SLC35G2: variants seen among roughly 807,000 people sequenced by gnomAD.
SLC35G2 encodes the protein solute carrier family 35 member G2.
In SLC35G2, 20 loss-of-function variants were observed where a neutral mutation model predicts 27.2. The ratio of observed to expected loss-of-function variants is 0.74; its 90% confidence interval spans 0.52 to 1.07. The LOEUF (loss-of-function observed/expected upper bound fraction) is 1.07. Among genes scored for constraint, SLC35G2 ranks in the 50% least tolerant of loss-of-function variants. The pLI is 0.00. For missense variants in SLC35G2, 416 were observed against 493.3 expected, an observed-to-expected ratio of 0.84 and a Z score of 1.48; for synonymous variants, 148 against 165.3, an observed-to-expected ratio of 0.90 and a Z score of 0.80.
intron 1 of SLC35G2, among the ~76,000 whole-genome samples, chr3:136,829,283 G>A (rs1237837217): frequency 6.6e-6 from 1 of 151,458 alleles, no homozygotes; most frequent in African/African-American, 2.4e-5. Flanking sequence ...GTGCAGTGGC[G>A]CCATCTTGGC....
chr3:136,849,681 C>T lies in SLC35G2; in HGVS notation c.-18-4762C>T, dbSNP rs113693158. On this transcript the variant is annotated intron_variant, in intron 1 of 1. Transcript: ENST00000446465. ...TAATTTTCTGTATTTTTAGTAGAGA[C>T]GAGGTTTTACCATGTTGGCCAGGCT... Among the ~76,000 whole-genome samples, 1,195 of 151,558 alleles carry T rather than the reference C, an allele frequency of 7.9e-3. 11 individuals are homozygous for T. Among genetic ancestry groups the T allele is most frequent in the Middle Eastern group, 0.02 (6 of 294 alleles).
chr3:136,829,270 G>A (rs769823875), intron 1 of SLC35G2, among the ~76,000 whole-genome samples: 22 of 151,944 alleles, frequency 1.4e-4, no homozygotes, highest in Admixed American at 1.2e-3. Context: ...GCACCAGGCT[G>A]GAGTGCAGTG....
intron 1 of SLC35G2, among the ~76,000 whole-genome samples, chr3:136,846,837 G>C (rs1240199318): frequency 6.6e-6 from 1 of 152,184 alleles, no homozygotes; most frequent in East Asian, 1.9e-4. Flanking sequence ...GGCCAAGCCA[G>C]AACTCAAAAT....
intron 1 of SLC35G2, among the ~76,000 whole-genome samples, chr3:136,830,093 A>G (rs1936686097): frequency 6.9e-6 from 1 of 145,398 alleles, no homozygotes; most frequent in Non-Finnish European, 1.5e-5. Context: ...TTTTTTAGAC[A>G]TACATTATTT....
chr3:136,836,675 T>A (rs563189009), intron 1 of SLC35G2, among the ~76,000 whole-genome samples: 2 of 152,180 alleles, frequency 1.3e-5, no homozygotes, highest in African/African-American at 4.8e-5. Flanking sequence ...TCAAGCCAAA[T>A]GCTCTACCTG....
At chr3:136,824,694 A>C (rs1374914251) in intron 1 of SLC35G2, among the ~76,000 whole-genome samples, 1 of 152,214 alleles carries the variant, frequency 6.6e-6, no homozygotes, top group East Asian at 1.9e-4. Context: ...TATCATTTGC[A>C]AACAAGGATA....
chr3:136,842,786 C>G (rs985239356), intron 1 of SLC35G2: 2 of 152,194 alleles, frequency 1.3e-5, no homozygotes, highest in Non-Finnish European at 2.9e-5. Context: ...TGAGAGCTCT[C>G]TTGCCATTAT....
At chr3:136,851,788 A>G (rs1367438322) in intron 1 of SLC35G2, among the ~76,000 whole-genome samples, 1 of 152,090 alleles carries the variant, frequency 6.6e-6, no homozygotes, top group Non-Finnish European at 1.5e-5. Context: ...TTTTGTTTTG[A>G]GTCTTTTAAA....
intron 1 of SLC35G2, among the ~76,000 whole-genome samples, chr3:136,843,704 G>A (rs1230450077): frequency 3.3e-5 from 5 of 151,938 alleles, no homozygotes; most frequent in Non-Finnish European, 7.4e-5. Context: ...AGGCCAAGGC[G>A]GGAGGATCAC....
intron 1 of SLC35G2, chr3:136,838,550 C>T (rs142058020): frequency 7.2e-5 from 11 of 152,108 alleles, no homozygotes; most frequent in Admixed American, 3.3e-4. Context: ...GAAGAATCAA[C>T]GGTGTCAATA....
intron 1 of SLC35G2, among the ~76,000 whole-genome samples, chr3:136,827,018 G>A (rs564167859): frequency 4.1e-4 from 61 of 148,592 alleles, no homozygotes; most frequent in East Asian, 2.4e-3. Context: ...GGTGTTTCTC[G>A]GAGAGGGGGA....
intron 1 of SLC35G2, chr3:136,838,288 C>A: frequency 7.4e-6 from 1 of 134,848 alleles, no homozygotes; most frequent in South Asian, 2.2e-4. Context: ...TATATAAATG[C>A]ACACACAACG....
intron 1 of SLC35G2, among the ~76,000 whole-genome samples, chr3:136,851,618 T>G (rs1215353476): frequency 1.3e-5 from 2 of 151,054 alleles, no homozygotes; most frequent in Non-Finnish European, 3.0e-5. Context: ...GACACTGGAC[T>G]GACTGCTCAG....
intron 1 of SLC35G2, chr3:136,819,985 A>C (rs914310704): frequency 2.0e-5 from 3 of 152,192 alleles, no homozygotes; most frequent in Non-Finnish European, 4.4e-5. Flanking sequence ...CGCCACGTGC[A>C]CCCATTTGGC....
At chr3:136,852,093 G>C (rs751699964) in intron 1 of SLC35G2, among the ~76,000 whole-genome samples, 1 of 152,136 alleles carries the variant, frequency 6.6e-6, no homozygotes, top group Non-Finnish European at 1.5e-5. Context: ...ACATAAATGA[G>C]GACATTAGGG....
intron 1 of SLC35G2, among the ~76,000 whole-genome samples, chr3:136,846,746 A>G (rs1467683850): frequency 1.3e-5 from 2 of 152,234 alleles, no homozygotes; most frequent in Admixed American, 6.5e-5. Flanking sequence ...GATTGTGAAG[A>G]CGGTTATGTC....
intron 1 of SLC35G2, chr3:136,820,237 C>T (rs560150271): frequency 3.3e-5 from 5 of 152,436 alleles, no homozygotes; most frequent in African/African-American, 1.2e-4. Context: ...GTCCAGAGGG[C>T]TGGGGGTAGC....
chr3:136,846,635 G>C (rs1269154450), intron 1 of SLC35G2: 1 of 152,228 alleles, frequency 6.6e-6, no homozygotes, highest in Non-Finnish European at 1.5e-5. Flanking sequence ...GAATGACTTA[G>C]AGCAGATTGT....
Position 136,819,336 on chromosome 3 carries a change from CACCTAAGGGGCACA to C in SLC35G2, c.-308_-295del. ...TCCACACACCCGCGTTTAGCCGCCACACCTAAGGGGCACAACAGTCTTTTTGGGTAAGGGCCGGG... is the reference window on the plus strand; with the variant it reads ...TCCACACACCCGCGTTTAGCCGCCACACAGTCTTTTTGGGTAAGGGCCGGG... On this transcript the variant is annotated 5_prime_UTR_variant, in exon 1 of 2. The change abolishes the stop of an existing upstream ORF in the 5' untranslated region. Transcript: ENST00000446465. 1 of 152,374 alleles carries C rather than the reference CACCTAAGGGGCACA, an allele frequency of 6.6e-6. No homozygotes were observed. The highest frequency in any genetic ancestry group is 1.5e-5 in the Non-Finnish European group (1 of 68,150). The allele number at this position is 152,374 out of a possible 1,614,324, so 9.4% of individuals were successfully genotyped here. A position where few individuals can be genotyped will look rare whatever the true frequency, so the allele number is the denominator to read the frequency against.
Sources: gnomAD v4.1 joint callset for allele counts (sites outside exome capture counted in the v4.1 genomes callset) on GRCh38, gnomAD v4.1.1 for gene constraint, MANE v1.5 for transcripts, NCBI Gene and HGNC (gene_info 2026-07-23, HGNC 2026-07-21) for gene names.